Variants in ANKRD17 observed in about 807,000 individuals in gnomAD.
ANKRD17 encodes the protein ankyrin repeat domain-containing protein 17.
In ANKRD17, 19 loss-of-function variants were observed where a neutral mutation model predicts 229.7. That is an observed-to-expected ratio of 0.08 (90% CI 0.06 to 0.12). ANKRD17 has a LOEUF of 0.12. Ranked by LOEUF, ANKRD17 falls within the 10% of genes least tolerant of loss-of-function variation. The pLI is 1.00. For synonymous variants in ANKRD17, 1,112 were observed against 1,146.1 expected, an observed-to-expected ratio of 0.97 and a Z score of 0.60; for missense variants, 2,176 against 3,176.8, an observed-to-expected ratio of 0.68 and a Z score of 7.57.
chr4:73,076,744 C>T (rs1721039409), intron 33 of ANKRD17, among the ~76,000 whole-genome samples, 196 bp downstream of exon 33: 1 of 152,246 alleles, frequency 6.6e-6, no homozygotes, highest in South Asian at 2.1e-4. Flanking sequence ...ATATACAATA[C>T]CTTTCATAAT....
intron 1 of ANKRD17, among the ~76,000 whole-genome samples, chr4:73,185,196 A>C (rs1243420517): frequency 1.3e-5 from 2 of 151,602 alleles, no homozygotes; most frequent in Admixed American, 1.3e-4. Context: ...ATAATAAATA[A>C]AAAATATTTA....
At chr4:73,240,625 TAAAAAA>T (rs924319158) in intron 1 of ANKRD17, among the ~76,000 whole-genome samples, 1 of 151,748 alleles carries the variant, frequency 6.6e-6, no homozygotes, top group Non-Finnish European at 1.5e-5. Context: ...ACCCTGTGCC[TAAAAAA>T]ATTAGAATTT....
chr4:73,162,009 G>A (rs1269896613), intron 2 of ANKRD17, among the ~76,000 whole-genome samples: 4 of 151,218 alleles, frequency 2.6e-5, no homozygotes, highest in Non-Finnish European at 5.9e-5. Flanking sequence ...CCCAGTAGCT[G>A]GAATTATAGG....
intron 24 of ANKRD17, among the ~76,000 whole-genome samples, chr4:73,104,301 T>G (rs748114645): frequency 5.3e-5 from 8 of 152,062 alleles, no homozygotes; most frequent in Admixed American, 1.3e-4. Flanking sequence ...ATCTGATTGG[T>G]GAGTTTGAAA....
intron 1 of ANKRD17, among the ~76,000 whole-genome samples, chr4:73,240,499 C>A (rs1029679472): frequency 6.6e-6 from 1 of 151,714 alleles, no homozygotes; most frequent in African/African-American, 2.4e-5. Context: ...GTGGCATGCA[C>A]CTGTAGTCCC....
intron 1 of ANKRD17, among the ~76,000 whole-genome samples, chr4:73,251,235 G>A (rs1430367512): frequency 1.3e-5 from 2 of 152,066 alleles, no homozygotes; most frequent in Non-Finnish European, 2.9e-5. Flanking sequence ...AGCATGCTTG[G>A]GGAAAATAAC....
chr4:73,125,254 A>T lies in ANKRD17; in HGVS notation c.3293T>A (p.Leu1098Gln). 1 of 1,614,108 alleles carries T rather than the reference A, an allele frequency of 6.2e-7. No homozygotes were observed. Among genetic ancestry groups the T allele is most frequent in the Non-Finnish European group, 8.5e-7 (1 of 1,179,976 alleles). The part of the protein sequence containing the change: ...TLACAGGHEE[L>Q]VQTLLERGAS... ...TCCTCTCTCTAGCAGTGTTTGTACC[A>T]GTTCCTCGTGGCCACCAGCACAGGC... Residue 1098 changes from leucine to glutamine, a missense_variant, in exon 17 of 34, where the codon CTG becomes CAG. Transcript: ENST00000358602.
chr4:73,254,292 T>C (rs185401882), intron 1 of ANKRD17, among the ~76,000 whole-genome samples: 2 of 152,360 alleles, frequency 1.3e-5, no homozygotes, highest in Admixed American at 1.3e-4. Context: ...CTTTCAATAC[T>C]AAGTCAGTAC....
chr4:73,086,484 G>A (rs939765606), intron 29 of ANKRD17, among the ~76,000 whole-genome samples: 2 of 151,354 alleles, frequency 1.3e-5, no homozygotes, highest in African/African-American at 4.9e-5. Context: ...CATTAAAAAA[G>A]TATTACAAAT....
At chr4:73,121,348 T>A (rs1335281791) in intron 19 of ANKRD17, among the ~76,000 whole-genome samples, 1 of 152,152 alleles carries the variant, frequency 6.6e-6, no homozygotes, top group Non-Finnish European at 1.5e-5. Flanking sequence ...AGGATAAACT[T>A]TCAATCTTAA....
chr4:73,145,542 T>A (rs1220339006), intron 10 of ANKRD17, among the ~76,000 whole-genome samples: 2 of 152,154 alleles, frequency 1.3e-5, no homozygotes, highest in Non-Finnish European at 2.9e-5. Flanking sequence ...TTTCTTTTTT[T>A]AAAAAGCCTT....
At chr4:73,107,353 T>G (rs1724767728) in intron 24 of ANKRD17, among the ~76,000 whole-genome samples, 1 of 152,190 alleles carries the variant, frequency 6.6e-6, no homozygotes, top group Non-Finnish European at 1.5e-5. Context: ...CCAACAAAAA[T>G]TTTCTGGTAA....
intron 1 of ANKRD17, among the ~76,000 whole-genome samples, chr4:73,254,492 G>A (rs1276631863): frequency 2.6e-5 from 4 of 152,166 alleles, no homozygotes; most frequent in South Asian, 4.1e-4. Flanking sequence ...ATTGCAGTGC[G>A]CAGTGTGGCT....
intron 30 of ANKRD17, among the ~76,000 whole-genome samples, chr4:73,079,617 TA>T (rs1721348856): frequency 1.3e-5 from 2 of 152,164 alleles, no homozygotes; most frequent in Non-Finnish European, 2.9e-5. Context: ...TATATACTGA[TA>T]AAATACCAAT....
At chr4:73,184,549 A>AG (rs1321390614) in intron 1 of ANKRD17, among the ~76,000 whole-genome samples, 6 of 150,412 alleles carry the variant, frequency 4.0e-5, no homozygotes, top group Non-Finnish European at 7.4e-5. Flanking sequence ...AAAAAAAAAA[A>AG]AAAAGAAAAG....
intron 1 of ANKRD17, among the ~76,000 whole-genome samples, chr4:73,180,163 G>A (rs1460600612): frequency 6.6e-6 from 1 of 151,976 alleles, no homozygotes; most frequent in Non-Finnish European, 1.5e-5. Context: ...ATTAATCAAA[G>A]GTAGAGATCA....
chr4:73,177,171 C>CTGTA (rs1734843771), intron 2 of ANKRD17, among the ~76,000 whole-genome samples: 1 of 152,194 alleles, frequency 6.6e-6, no homozygotes, highest in South Asian at 2.1e-4. Flanking sequence ...GTAAGGTCAA[C>CTGTA]TGTAGCACAT....
At chr4:73,078,987 T>C in intron 30 of ANKRD17, 97 bp from the exon 31 acceptor site, 1 of 1,356,128 alleles carries the variant, frequency 7.4e-7, no homozygotes, top group Non-Finnish European at 9.9e-7. Context: ...TTTAAATATA[T>C]ATTCTCAGAA....
chr4:73,142,794 A>C, intron 11 of ANKRD17, 27 bp from the exon 12 acceptor site: 1 of 1,585,362 alleles, frequency 6.3e-7, no homozygotes, highest in Non-Finnish European at 8.6e-7. Flanking sequence ...ATGGAAAATC[A>C]TATTAGTAGA....
Sources: allele counts gnomAD v4.1 joint callset (sites outside exome capture counted in the v4.1 genomes callset), GRCh38; gene constraint gnomAD v4.1.1; transcripts MANE v1.5; gene names NCBI Gene and HGNC (gene_info 2026-07-23, HGNC 2026-07-21).